Variants in ADARB2 observed in about 807,000 individuals in gnomAD.
ADARB2 encodes the protein inactive double-stranded RNA-specific editase B2.
ADARB2 carries 25 observed loss-of-function variants against 62.2 expected under a neutral mutation model. That is an observed-to-expected ratio of 0.40 (90% CI 0.29 to 0.56). The LOEUF (loss-of-function observed/expected upper bound fraction) is 0.56, where lower values mean the gene tolerates loss of function less well. Among genes scored for constraint, ADARB2 ranks in the 20% least tolerant of loss-of-function variants. The pLI, the probability that ADARB2 is intolerant of heterozygous loss-of-function variation, is 0.43. For missense variants in ADARB2, 1,071 were observed against 1,077.4 expected (o/e 0.99, Z 0.08); for synonymous variants, 572 against 500.8 (o/e 1.14, Z -1.90).
chr10:1,430,582 A>T lies in ADARB2; in HGVS notation c.101-51422T>A, dbSNP rs193127135. 2.6e-3 allele frequency among the ~76,000 whole-genome samples: 392 copies of T among 152,318 alleles called. 2 individuals are homozygous for T. Among genetic ancestry groups the T allele is most frequent in the Middle Eastern group, 0.024 (7 of 294 alleles). Reference sequence around the variant, plus strand: ...AAGATATACTGTATAAGTAGTAATTAAAAAATCAGTAGCCAGGTGTGGCGG... The same window carrying T: ...AAGATATACTGTATAAGTAGTAATTTAAAAATCAGTAGCCAGGTGTGGCGG... On this transcript the variant is annotated intron_variant, in intron 1 of 9. Coordinates refer to ENST00000381312, the MANE Select transcript of ADARB2 (RefSeq NM_018702.4).
chr10:1,234,615 A>C (rs1830845489), intron 5 of ADARB2, among the ~76,000 whole-genome samples: 1 of 149,382 alleles, frequency 6.7e-6, no homozygotes, highest in African/African-American at 2.5e-5. Context: ...TAATTTATTT[A>C]CTTTTTTTTA....
chr10:1,296,159 T>G (rs1209676077), intron 3 of ADARB2, among the ~76,000 whole-genome samples: 1 of 152,216 alleles, frequency 6.6e-6, no homozygotes, highest in East Asian at 1.9e-4. Context: ...CTCTGCTTAT[T>G]GGGACCCTCC....
chr10:1,706,286 C>T (rs1834889524), intron 1 of ADARB2, among the ~76,000 whole-genome samples: 1 of 152,182 alleles, frequency 6.6e-6, no homozygotes, highest in Non-Finnish European at 1.5e-5. Context: ...ATGTTTCTTG[C>T]CTTTCAGAAG....
Position 1,264,766 on chromosome 10 carries a change from G to C in ADARB2, c.1192+6189C>G, listed in dbSNP as rs540496269. On this transcript the variant is annotated intron_variant, in intron 4 of 9. Transcript: ENST00000381312. Reference sequence around the variant, plus strand: ...CTCAGAAGGGTTTCCTAGTTGTCCTGGGCTGTTTTTACAAAGTTGAACTCT... The same window carrying C: ...CTCAGAAGGGTTTCCTAGTTGTCCTCGGCTGTTTTTACAAAGTTGAACTCT... 9.9e-5 allele frequency among the ~76,000 whole-genome samples: 15 copies of C among 152,278 alleles called. No homozygotes were observed. In the East Asian group the frequency reaches 2.7e-3, roughly 27 times the overall value.
intron 1 of ADARB2, among the ~76,000 whole-genome samples, chr10:1,559,621 G>T (rs374908088): frequency 6.6e-6 from 1 of 152,184 alleles, no homozygotes; most frequent in South Asian, 2.1e-4. Flanking sequence ...CTGGGCCGGT[G>T]GGGGGTGGTG....
intron 1 of ADARB2, among the ~76,000 whole-genome samples, chr10:1,531,132 G>A (rs1400663531): frequency 6.6e-6 from 1 of 152,222 alleles, no homozygotes; most frequent in African/African-American, 2.4e-5. Flanking sequence ...CTGCCCGTGG[G>A]CCACCCATAG....
intron 6 of ADARB2, among the ~76,000 whole-genome samples, chr10:1,227,930 T>TTGA (rs578216860): frequency 5.9e-5 from 9 of 152,172 alleles, no homozygotes; most frequent in African/African-American, 1.2e-4. Context: ...CCATATTTGA[T>TTGA]TGATGATGAT....
At chr10:1,618,796 T>C (rs1190601919) in intron 1 of ADARB2, among the ~76,000 whole-genome samples, 1 of 152,220 alleles carries the variant, frequency 6.6e-6, no homozygotes, top group Non-Finnish European at 1.5e-5. Flanking sequence ...GGAGAGATCA[T>C]TGTGGCAGGC....
chr10:1,659,016 G>A (rs1254767933), intron 1 of ADARB2, among the ~76,000 whole-genome samples: 5 of 152,108 alleles, frequency 3.3e-5, no homozygotes, highest in African/African-American at 4.8e-5. Flanking sequence ...TAAGCACTAC[G>A]GAGAGTATGA....
chr10:1,183,189 C>A lies in ADARB2; in HGVS notation c.*4G>T. The A allele has an allele frequency of 2.5e-6, 4 of 1,611,576 alleles. No individual in the cohort carries two copies. Among genetic ancestry groups the A allele is most frequent in the Non-Finnish European group, 3.4e-6 (4 of 1,179,012 alleles). ...CTCAGCTCCAGCAGCCAGGAGCCCG[C>A]AGCCTAGAGAGTCAGTAGAAACTGC... On this transcript the variant is annotated 3_prime_UTR_variant, in exon 10 of 10. Coordinates refer to ENST00000381312, the MANE Select transcript of ADARB2 (RefSeq NM_018702.4).
chr10:1,328,068 C>CCTTA (rs1480188527), intron 3 of ADARB2, among the ~76,000 whole-genome samples: 1 of 99,360 alleles, frequency 1.0e-5, no homozygotes, highest in African/African-American at 3.7e-5. Flanking sequence ...TGCGAGGAAG[C>CCTTA]CTTACAGTAA....
intron 1 of ADARB2, among the ~76,000 whole-genome samples, chr10:1,650,068 C>T (rs560011101): frequency 6.6e-6 from 1 of 152,284 alleles, no homozygotes; most frequent in South Asian, 2.1e-4. Flanking sequence ...AACAAGTAGA[C>T]TGTATTTGCT....
chr10:1,702,695 G>T (rs910900082), intron 1 of ADARB2, among the ~76,000 whole-genome samples: 4 of 152,158 alleles, frequency 2.6e-5, no homozygotes, highest in Non-Finnish European at 5.9e-5. Flanking sequence ...ACATGCTCCT[G>T]CCGGCCTCTC....
intron 3 of ADARB2, among the ~76,000 whole-genome samples, chr10:1,318,552 A>G (rs1165614216): frequency 1.3e-5 from 2 of 152,192 alleles, no homozygotes; most frequent in East Asian, 1.9e-4. Context: ...TGCACACATC[A>G]TCGCAGAGTG....
chr10:1,728,622 G>A (rs1279440212), intron 1 of ADARB2, among the ~76,000 whole-genome samples: 1 of 152,086 alleles, frequency 6.6e-6, no homozygotes, highest in Non-Finnish European at 1.5e-5. Flanking sequence ...TAACTTCCCT[G>A]AAGCAAAAAT....
chr10:1,620,851 A>G (rs1833696194), intron 1 of ADARB2, among the ~76,000 whole-genome samples: 1 of 152,246 alleles, frequency 6.6e-6, no homozygotes, highest in South Asian at 2.1e-4. Context: ...AATCAAATAA[A>G]GATCAGACAC....
chr10:1,319,132 G>A (rs552177343), intron 3 of ADARB2, among the ~76,000 whole-genome samples: 1 of 152,332 alleles, frequency 6.6e-6, no homozygotes, highest in African/African-American at 2.4e-5. Context: ...TCTATAGGAT[G>A]GGGCTGGTGT....
intron 8 of ADARB2, among the ~76,000 whole-genome samples, chr10:1,185,674 A>T (rs1277403213): frequency 6.6e-6 from 1 of 152,208 alleles, no homozygotes; most frequent in East Asian, 1.9e-4. Context: ...TGGGGCGTTA[A>T]ACCAAGCATG....
intron 1 of ADARB2, among the ~76,000 whole-genome samples, chr10:1,399,659 C>T (rs758929178): frequency 2.6e-5 from 4 of 152,110 alleles, no homozygotes; most frequent in Non-Finnish European, 4.4e-5. Context: ...CGCCCTGAGA[C>T]GCATTCGTAA....
Sources: allele counts gnomAD v4.1 joint callset (sites outside exome capture counted in the v4.1 genomes callset), GRCh38; gene constraint gnomAD v4.1.1; transcripts MANE v1.5; gene names NCBI Gene and HGNC (gene_info 2026-07-23, HGNC 2026-07-21).